CLVS1: variants seen among roughly 807,000 people sequenced by gnomAD.
CLVS1 encodes clavesin 1, also known as clavesin-1.
CLVS1 carries 10 observed loss-of-function variants against 33.1 expected under a neutral mutation model. That is an observed-to-expected ratio of 0.30 (90% CI 0.19 to 0.51). The LOEUF is 0.51. Ranked by LOEUF, CLVS1 falls within the 20% of genes least tolerant of loss-of-function variation. The pLI is 0.97. For synonymous variants in CLVS1, 163 were observed against 166.1 expected, an observed-to-expected ratio of 0.98 and a Z score of 0.14; for missense variants, 343 against 433.4, an observed-to-expected ratio of 0.79 and a Z score of 1.85.
intron 2 of CLVS1, among the ~76,000 whole-genome samples, chr8:61,173,063 C>T (rs181808584): frequency 1.4e-4 from 21 of 152,260 alleles, no homozygotes; most frequent in Admixed American, 1.0e-3. Context: ...AATTCTGCCT[C>T]ATGTGTCAAG....
intron 2 of CLVS1, among the ~76,000 whole-genome samples, chr8:61,171,408 T>C (rs1464821309): frequency 6.6e-6 from 1 of 152,190 alleles, no homozygotes; most frequent in African/African-American, 2.4e-5. Context: ...ATCTTTGGAA[T>C]ATAACTGAAA....
chr8:61,201,414 T>A (rs758143191), intron 2 of CLVS1, among the ~76,000 whole-genome samples: 4 of 152,234 alleles, frequency 2.6e-5, no homozygotes, highest in Admixed American at 6.5e-5. Flanking sequence ...CAAACTCAGA[T>A]CTGTCTACAA....
the CLVS1 span, among the ~76,000 whole-genome samples, chr8:61,006,664 G>A: frequency 2.3e-4 from 35 of 152,270 alleles, no homozygotes; most frequent in South Asian, 2.7e-3. Flanking sequence ...GTATATCACC[G>A]TTTGGACTCC....
At chr8:61,317,057 G>A (rs527708246) in intron 2 of CLVS1, among the ~76,000 whole-genome samples, 1 of 152,146 alleles carries the variant, frequency 6.6e-6, no homozygotes, top group South Asian at 2.1e-4. Context: ...ACTTCATTAG[G>A]TTACTAAATG....
At chr8:61,364,355 C>T (rs1163950987) in intron 2 of CLVS1, among the ~76,000 whole-genome samples, 1 of 152,208 alleles carries the variant, frequency 6.6e-6, no homozygotes, top group Non-Finnish European at 1.5e-5. Context: ...AATCTCATAA[C>T]AATGATGTGT....
chr8:61,122,105 C>T (rs1185564880), intron 1 of CLVS1, among the ~76,000 whole-genome samples: 1 of 152,218 alleles, frequency 6.6e-6, no homozygotes, highest in East Asian at 1.9e-4. Context: ...CCACTTTCTT[C>T]AGCAATATCT....
intron 3 of CLVS1, among the ~76,000 whole-genome samples, chr8:61,407,686 C>T (rs184317694): frequency 3.9e-5 from 6 of 152,158 alleles, no homozygotes; most frequent in East Asian, 1.9e-4. Context: ...TTAAATAAGC[C>T]GTTTAAGTTA....
At chr8:61,046,773 T>C in the CLVS1 span, among the ~76,000 whole-genome samples, 2 of 150,662 alleles carry the variant, frequency 1.3e-5, no homozygotes, top group Admixed American at 6.6e-5. Context: ...AGTTCACTCA[T>C]GATTTGGCTC....
chr8:61,182,056 C>T (rs931580153), intron 2 of CLVS1, among the ~76,000 whole-genome samples: 4 of 152,098 alleles, frequency 2.6e-5, no homozygotes, highest in African/African-American at 9.6e-5. Context: ...AAAGGATTCC[C>T]TATTTAATAA....
intron 2 of CLVS1, among the ~76,000 whole-genome samples, chr8:61,309,680 G>A (rs963208009): frequency 6.6e-6 from 1 of 152,142 alleles, no homozygotes; most frequent in Non-Finnish European, 1.5e-5. Context: ...TGATGGATAC[G>A]CTGAAGACAG....
At position 61,098,001 on chromosome 8, in the gene CLVS1, T is replaced by A. The variant is rs578126968; in HGVS notation, c.-242-33769T>A. On this transcript the variant is annotated intron_variant, in intron 1 of 2. Coordinates refer to the CLVS1 transcript ENST00000522621. ...GATACTCTGTCTCTACAAAAAAATT[T>A]AAAAAAAATTATCCAGGTATGATGT... is the stretch of plus-strand genomic sequence containing the variant. Among the ~76,000 whole-genome samples the A allele has an allele frequency of 3.7e-4, 57 of 152,094 alleles. No homozygotes were observed. In the Middle Eastern group the frequency reaches 0.01, roughly 27 times the overall value.
intron 1 of CLVS1, 42 bp downstream of exon 1, chr8:61,288,180 TC>T (rs759513976): frequency 8.8e-6 from 4 of 456,284 alleles, no homozygotes; most frequent in South Asian, 6.2e-5. Flanking sequence ...TTGCCGAGCC[TC>T]CCCGCCTTTC....
intron 3 of CLVS1, among the ~76,000 whole-genome samples, chr8:61,418,951 A>G (rs1345231436): frequency 6.6e-6 from 1 of 151,952 alleles, no homozygotes; most frequent in Non-Finnish European, 1.5e-5. Context: ...CCAGGAACAC[A>G]TTGTCCATGT....
chr8:61,089,252 C>A (rs1393931518), intron 1 of CLVS1, among the ~76,000 whole-genome samples: 1 of 152,142 alleles, frequency 6.6e-6, no homozygotes, highest in Non-Finnish European at 1.5e-5. Context: ...TTGCAGAAAT[C>A]AAATGGAAAG....
intron 1 of CLVS1, among the ~76,000 whole-genome samples, chr8:61,119,751 C>G (rs1372154021): frequency 9.5e-5 from 10 of 105,160 alleles, no homozygotes; most frequent in East Asian, 7.5e-4. Context: ...CGCTGTTAGT[C>G]TGATGGGCTT....
At chr8:61,457,837 G>C (rs1402228131) in intron 4 of CLVS1, among the ~76,000 whole-genome samples, 1 of 152,218 alleles carries the variant, frequency 6.6e-6, no homozygotes, top group Non-Finnish European at 1.5e-5. Context: ...TGGTTGGAAA[G>C]AAGCAGAATA....
At chr8:61,180,502 A>G (rs1055294149) in intron 2 of CLVS1, among the ~76,000 whole-genome samples, 1 of 152,252 alleles carries the variant, frequency 6.6e-6, no homozygotes, top group Non-Finnish European at 1.5e-5. Flanking sequence ...AGCCAGCATC[A>G]TCCTGATACC....
At chr8:61,105,295 CACACAT>C (rs1805514111) in intron 1 of CLVS1, among the ~76,000 whole-genome samples, 1 of 152,192 alleles carries the variant, frequency 6.6e-6, no homozygotes, top group Non-Finnish European at 1.5e-5. Flanking sequence ...TTATAGCTTA[CACACAT>C]ACACATACAT....
chr8:61,401,398 T>G (rs1216250669), intron 3 of CLVS1, among the ~76,000 whole-genome samples: 1 of 152,096 alleles, frequency 6.6e-6, no homozygotes, highest in Admixed American at 6.6e-5. Context: ...TGAGGTTAGT[T>G]GTGGGGTTTT....
Sources: allele counts gnomAD v4.1 joint callset (sites outside exome capture counted in the v4.1 genomes callset), GRCh38; gene constraint gnomAD v4.1.1; transcripts MANE v1.5; gene names NCBI Gene and HGNC (gene_info 2026-07-23, HGNC 2026-07-21).